Variants in ZSCAN23 observed in about 807,000 individuals in gnomAD.
The protein encoded by ZSCAN23 is zinc finger and SCAN domain-containing protein 23.
A neutral mutation model predicts 19.3 loss-of-function variants in ZSCAN23; 19 were observed. The ratio of observed to expected loss-of-function variants is 0.99; its 90% CI spans 0.69 to 1.45. ZSCAN23 has a LOEUF of 1.45. ZSCAN23 is among the 40% of genes most tolerant of loss of function. The pLI, the probability that ZSCAN23 is intolerant of heterozygous loss-of-function variation, is 0.00. For missense variants in ZSCAN23, 372 were observed against 462.5 expected, an observed-to-expected ratio of 0.80 and a Z score of 1.79; for synonymous variants, 140 against 166.2, an observed-to-expected ratio of 0.84 and a Z score of 1.21.
At chr6:28,426,873 C>T in the ZSCAN23 span, among the ~76,000 whole-genome samples, 9,961 of 152,256 alleles carry the variant, frequency 0.065, 384 homozygotes, top group East Asian at 0.11. Context: ...TGCAATGGCG[C>T]GATCTCGGCT....
intron 2 of ZSCAN23, 39 bp from the exon 3 acceptor site, chr6:28,435,646 A>G (rs1761866948): frequency 6.5e-7 from 1 of 1,533,726 alleles, no homozygotes; most frequent in Admixed American, 2.1e-5. Context: ...CCAATATCAG[A>G]GAGAACATGG....
chr6:28,438,332 G>A (rs989954715), intron 1 of ZSCAN23, among the ~76,000 whole-genome samples: 4 of 152,102 alleles, frequency 2.6e-5, no homozygotes, highest in Non-Finnish European at 4.4e-5. Flanking sequence ...CCTGACCGCA[G>A]ATGATCCACC....
At chr6:28,438,182 C>T (rs79325481) in intron 1 of ZSCAN23, among the ~76,000 whole-genome samples, 16,369 of 151,998 alleles carry the variant, frequency 0.11, 929 homozygotes, top group East Asian at 0.11. Context: ...CTGCAACCTC[C>T]GCCTCCTGGG....
the ZSCAN23 span, among the ~76,000 whole-genome samples, chr6:28,423,055 AG>A: frequency 1.2e-4 from 18 of 152,136 alleles, no homozygotes; most frequent in African/African-American, 3.1e-4. Context: ...CCCCTGTAGG[AG>A]GGTGGGGAAC....
At chr6:28,435,664 G>A (rs1761867924) in intron 2 of ZSCAN23, 57 bp from the exon 3 acceptor site, 1 of 1,508,530 alleles carries the variant, frequency 6.6e-7, no homozygotes, top group Non-Finnish European at 8.9e-7. Context: ...TGGCAAGGAG[G>A]CCTCCTCAGG....
chr6:28,431,171 C>G (rs1761754612), downstream of ZSCAN23, among the ~76,000 whole-genome samples: 1 of 152,120 alleles, frequency 6.6e-6, no homozygotes, highest in African/African-American at 2.4e-5. Context: ...TCCAATAGAT[C>G]TATTACTGGG....
chr6:28,430,951 G>A (rs2114029080), downstream of ZSCAN23, among the ~76,000 whole-genome samples: 1 of 152,244 alleles, frequency 6.6e-6, no homozygotes, highest in Admixed American at 6.5e-5. Context: ...ACAGTATAAG[G>A]TTGAACACTG....
At position 28,434,497 on chromosome 6, in the gene ZSCAN23, G is replaced by C. The variant is rs759246782; in HGVS notation, c.1138C>G (p.Arg380Gly). ...GATTCAGCCACTGGGTGGACTTTCC[G>C]ATGCTGGATTAGGTTGCAATGGTAA... ...FIYHCNLIQH[R>G]KVHPVAESS The change falls in exon 4 of 4, where the codon CGG (arginine) becomes GGG (glycine). Residue 380 changes from arginine (R) to glycine (G), a missense_variant. Coordinates refer to ENST00000289788, the MANE Select transcript of ZSCAN23 (RefSeq NM_001012455.2). The C allele has an allele frequency of 1.3e-6, 2 of 1,549,362 alleles. No individual in the cohort carries two copies. The highest frequency in any genetic ancestry group is 1.7e-6 in the Non-Finnish European group (2 of 1,145,146).
chr6:28,436,130 A>T lies in ZSCAN23; in HGVS notation c.137T>A (p.Ile46Asn). The T allele has an allele frequency of 1.2e-6, 2 of 1,607,494 alleles. No individual in the cohort carries two copies. Among genetic ancestry groups the T allele is most frequent in the Non-Finnish European group, 1.7e-6 (2 of 1,176,646 alleles). Residue 46 changes from isoleucine to asparagine, a missense_variant, in exon 2 of 4, where the codon ATC (isoleucine) becomes AAC (asparagine). Ile to Asn is a moderately radical substitution (Grantham distance 149, BLOSUM62 -3). Coordinates refer to ENST00000289788, the MANE Select transcript of ZSCAN23 (RefSeq NM_001012455.2). ...GAACTGCCTGAAGCGTCTACGAAAG[A>T]TCTCTCTGGTATGAGGGTTATTTCT... ...LSRNNPHTRE[I>N]FRRRFRQFCY...
downstream of ZSCAN23, among the ~76,000 whole-genome samples, chr6:28,429,082 CCATTTCCTCT>C (rs1761706999): frequency 6.6e-6 from 1 of 152,174 alleles, no homozygotes; most frequent in African/African-American, 2.4e-5. Context: ...CCCTCAAGGT[CCATTTCCTCT>C]TTGCTATCCA....
At chr6:28,423,588 A>G in the ZSCAN23 span, among the ~76,000 whole-genome samples, 1 of 152,190 alleles carries the variant, frequency 6.6e-6, no homozygotes, top group Non-Finnish European at 1.5e-5. Flanking sequence ...TGGACCCTTG[A>G]GGCCCAAGTA....
chr6:28,432,495 T>C (rs1761779440), downstream of ZSCAN23, among the ~76,000 whole-genome samples: 1 of 152,158 alleles, frequency 6.6e-6, no homozygotes, highest in Non-Finnish European at 1.5e-5. Flanking sequence ...TACACTAAAC[T>C]GAAAAATACC....
intron 1 of ZSCAN23, among the ~76,000 whole-genome samples, chr6:28,440,908 T>C (rs1399392225): frequency 6.6e-6 from 1 of 152,200 alleles, no homozygotes; most frequent in African/African-American, 2.4e-5. Flanking sequence ...ACCTGAGTTC[T>C]TCTTTGAACC....
chr6:28,424,565 A>G, the ZSCAN23 span, among the ~76,000 whole-genome samples: 1 of 152,228 alleles, frequency 6.6e-6, no homozygotes, highest in Non-Finnish European at 1.5e-5. Flanking sequence ...CTGCTTTATC[A>G]GTCAAGTTTA....
intron 1 of ZSCAN23, among the ~76,000 whole-genome samples, chr6:28,438,699 C>T (rs1338520683): frequency 6.6e-6 from 1 of 152,092 alleles, no homozygotes; most frequent in Non-Finnish European, 1.5e-5. Flanking sequence ...CGCACTGTCA[C>T]CAGAATAGCA....
Position 28,435,918 on chromosome 6 carries a change from C to T in ZSCAN23, c.349G>A (p.Glu117Lys), listed in dbSNP as rs778737763. ...WVRQHRPVSG[E>K]EAVTVLEDLE... ...TCCTCCAGCACAGTCACTGCCTCCT[C>T]TCCACTCACAGGACGGTGCTGTCTG... The change falls in exon 2 of 4, where the codon GAG becomes AAG. Residue 117 changes from glutamate to lysine, a missense_variant. Physicochemically the swap from Glu to Lys is moderately conservative, Grantham distance 56. Transcript: ENST00000289788. The T allele has an allele frequency of 1.9e-6, 3 of 1,613,996 alleles. No homozygotes were observed. The highest frequency in any genetic ancestry group is 2.5e-6 in the Non-Finnish European group (3 of 1,179,906).
At chr6:28,423,295 C>T in the ZSCAN23 span, among the ~76,000 whole-genome samples, 1 of 152,304 alleles carries the variant, frequency 6.6e-6, no homozygotes, top group East Asian at 1.9e-4. Flanking sequence ...ACATGTTAGC[C>T]ATTTTCTCTA....
Position 28,435,977 on chromosome 6 carries a change from A to G in ZSCAN23, c.290T>C (p.Leu97Pro), listed in dbSNP as rs1221692303. 3 of 1,614,096 alleles carry G rather than the reference A, an allele frequency of 1.9e-6. No individual in the cohort carries two copies. In the African/African-American group the frequency reaches 4.0e-5, roughly 22 times the overall value. ...ILELLVLEQF[L>P]TILPEELQAW... ...CTGGAGCTCCTCAGGCAGGATAGTCAGGAACTGCTCCAGCACCAGCAGCTC... is the reference window on the plus strand; with the variant it reads ...CTGGAGCTCCTCAGGCAGGATAGTCGGGAACTGCTCCAGCACCAGCAGCTC... Residue 97 changes from leucine (L) to proline (P), a missense_variant, in exon 2 of 4, where the codon CTG (leucine) becomes CCG (proline). Leu to Pro is a moderately conservative substitution (Grantham distance 98). Transcript: ENST00000289788.
At position 28,443,387 on chromosome 6, in the gene ZSCAN23, T is replaced by G. The variant is rs147423273; in HGVS notation, c.-78+12A>C. The G allele has an allele frequency of 6.6e-6, 1 of 152,404 alleles. No individual in the cohort carries two copies. Among genetic ancestry groups the G allele is most frequent in the Non-Finnish European group, 1.5e-5 (1 of 68,182 alleles). The allele number at this position is 152,404 out of a possible 1,614,324, so 9.4% of individuals were successfully genotyped here. ...CGAAGCCCCTCAGCGGTAGCCCGAC[T>G]CCGAAGCTCACCGAGGCATCCGTGA... On this transcript the variant is annotated intron_variant, in intron 1 of 3. Coordinates refer to ENST00000289788, the MANE Select transcript of ZSCAN23 (RefSeq NM_001012455.2).
Sources: gnomAD v4.1 joint callset for allele counts (sites outside exome capture counted in the v4.1 genomes callset) on GRCh38, gnomAD v4.1.1 for gene constraint, MANE v1.5 for transcripts, NCBI Gene and HGNC (gene_info 2026-07-23, HGNC 2026-07-21) for gene names.